The following PRDX2 variants were observed in gnomAD, a reference collection of about 807,000 sequenced individuals.
PRDX2 encodes peroxiredoxin-2.
Under a neutral mutation model 19.8 loss-of-function variants are expected in PRDX2, and 10 were observed. The observed-to-expected ratio is 0.50, with a 90% confidence interval of 0.31 to 0.86. The LOEUF is 0.86. Among genes scored for constraint, PRDX2 ranks in the 40% least tolerant of loss-of-function variants. The pLI is 0.04. For synonymous variants in PRDX2, 118 were observed against 108.2 expected (o/e 1.09, Z -0.56); for missense variants, 226 against 260.1 (o/e 0.87, Z 0.90).
At chr19:12,797,863 T>C (rs1968820588) in intron 5 of PRDX2, among the ~76,000 whole-genome samples, 2 of 151,096 alleles carry the variant, frequency 1.3e-5, no homozygotes, top group Admixed American at 6.6e-5. Flanking sequence ...TTTCACCATA[T>C]TGGTCAGGCT....
In PRDX2 at chr19:12,799,856, C is replaced by T; in HGVS notation, c.511+3G>A. ...CCCATGTGTCATGTGTGTATCTGCT[C>T]ACCTTCCCCATGCTCGTCTGTGTAC... On this transcript the variant is annotated splice_donor_region_variant and intron_variant, in intron 5 of 5. Coordinates refer to ENST00000301522, the MANE Select transcript of PRDX2 (RefSeq NM_005809.6). The T allele has an allele frequency of 6.2e-7, 1 of 1,611,756 alleles. No homozygotes were observed. The highest frequency in any genetic ancestry group is 8.5e-7 in the Non-Finnish European group (1 of 1,179,632).
At chr19:12,798,654 T>TG in intron 5 of PRDX2, among the ~76,000 whole-genome samples, 1 of 141,512 alleles carries the variant, frequency 7.1e-6, no homozygotes, top group East Asian at 2.0e-4. Context: ...TCTGGCCTCT[T>TG]TTTTTTTTTT....
In PRDX2 at chr19:12,798,714, G is replaced by C. The variant is rs372430755; in HGVS notation, c.511+1145C>G. 1.5e-4 allele frequency among the ~76,000 whole-genome samples: 23 copies of C among 149,254 alleles called. No homozygotes were observed. In the East Asian group the frequency reaches 4.3e-3, roughly 28 times the overall value. On this transcript the variant is annotated intron_variant, in intron 5 of 5. Transcript: ENST00000301522. ...TCTTAAAAAAAAAAAAAAAGAGATG[G>C]GGTATTGCTATGTTGCCTAGGCTCG...
In PRDX2 at chr19:12,799,987, C is replaced by A. The variant is rs771787688; in HGVS notation, c.383G>T (p.Gly128Val). The part of the protein sequence containing the change: ...LKTDEGIAYR[G>V]LFIIDGKGVL... ...ACCCTTGCCATCGATGATAAAGAGG[C>A]CCCTGAAGACATCAGGGTTCCCAGT... is the stretch of plus-strand genomic sequence containing the variant. Residue 128 changes from glycine to valine, a missense_variant and splice_region_variant, in exon 5 of 6, where the codon GGC (glycine) becomes GTC (valine). Transcript: ENST00000301522. The A allele has an allele frequency of 6.2e-7, 1 of 1,613,666 alleles. No individual in the cohort carries two copies. Among genetic ancestry groups the A allele is most frequent in the Non-Finnish European group, 8.5e-7 (1 of 1,179,810 alleles).
rs1968804492 is a variant in PRDX2 at position 12,797,168 on chromosome 19, T to C, written c.512-2A>G. 1 of 1,613,804 alleles carries C rather than the reference T, an allele frequency of 6.2e-7. No individual in the cohort carries two copies. Among genetic ancestry groups the C allele is most frequent in the Non-Finnish European group, 8.5e-7 (1 of 1,179,752 alleles). ...CAGGCTTCCAGCCAGCGGGACAAAC[T>C]GTGGGAAGACACAAGGATGCACATG... On this transcript the variant is annotated splice_acceptor_variant, in intron 5 of 5. Transcript: ENST00000301522. LOFTEE classifies it high-confidence loss of function.
intron 5 of PRDX2, among the ~76,000 whole-genome samples, chr19:12,798,267 G>A (rs913456088): frequency 1.5e-4 from 22 of 151,658 alleles, no homozygotes; most frequent in Admixed American, 1.2e-3. Flanking sequence ...GGATGGTCTC[G>A]ATCTCCTGAC....
rs141126515 is a variant in PRDX2 at position 12,799,124 on chromosome 19, C to T, written c.511+735G>A. Among the ~76,000 whole-genome samples the T allele has an allele frequency of 1.2e-3, 177 of 152,128 alleles. 5 individuals carry two copies. In the East Asian group the frequency reaches 0.033, roughly 29 times the overall value. Reference sequence around the variant, plus strand: ...CTATGTTGGCCAGGCTGGTCTCAAACTCCTGACCTCATGATCTGCCCGCCT... The same window carrying T: ...CTATGTTGGCCAGGCTGGTCTCAAATTCCTGACCTCATGATCTGCCCGCCT... On this transcript the variant is annotated intron_variant, in intron 5 of 5. Transcript: ENST00000301522.
In PRDX2 at chr19:12,801,042, G is replaced by C; in HGVS notation, c.131C>G (p.Pro44Arg). ...GGGGCACACAAAAGTGAAGTCCAGA[G>C]GGTAGAAAAAGAGGACCACGTACTT... ...KGKYVVLFFY[P>R]LDFTFVCPTE... is the part of the protein sequence containing the mutation. Residue 44 changes from proline (P) to arginine (R), a missense_variant, in exon 3 of 6, where the codon CCT (proline) becomes CGT (arginine). By Grantham distance (103) the Pro-to-Arg change is moderately radical. Coordinates refer to ENST00000301522, the MANE Select transcript of PRDX2 (RefSeq NM_005809.6). 6.2e-7 allele frequency: 1 copy of C among 1,611,566 alleles called. No homozygotes were observed. Among genetic ancestry groups the C allele is most frequent in the Non-Finnish European group, 8.5e-7 (1 of 1,178,442 alleles).
At chr19:12,800,360 C>G in intron 3 of PRDX2, 61 bp from the exon 4 acceptor site, 14 of 1,570,380 alleles carry the variant, frequency 8.9e-6, no homozygotes, top group Non-Finnish European at 1.2e-5. Context: ...GGTCCTCACC[C>G]TGTGGGCCCA....
chr19:12,800,841 G>A, intron 3 of PRDX2, 75 bp downstream of exon 3: 1 of 1,555,308 alleles, frequency 6.4e-7, no homozygotes, highest in Non-Finnish European at 8.7e-7. Context: ...GTTGAGCAAT[G>A]GCCACGAAGC....
intron 3 of PRDX2, 133 bp downstream of exon 3, chr19:12,800,783 C>T (rs1415246003): frequency 4.5e-6 from 7 of 1,545,864 alleles, no homozygotes; most frequent in East Asian, 2.4e-5. Context: ...AAGACTTGGG[C>T]GGCAATGTTT....
At chr19:12,797,531 G>A (rs940075311) in intron 5 of PRDX2, among the ~76,000 whole-genome samples, 6 of 151,782 alleles carry the variant, frequency 4.0e-5, no homozygotes, top group African/African-American at 1.2e-4. Context: ...CGCTTGTCTC[G>A]AACTCCTGAC....
In PRDX2 at chr19:12,801,769, G is replaced by A. The variant is rs1968903974; in HGVS notation, c.-39C>T. ...GTGGGCAAAGGCTAGACGCACGGACGATCACACGCGTGGACCCGCGTTCTC... is the reference window on the plus strand; with the variant it reads ...GTGGGCAAAGGCTAGACGCACGGACAATCACACGCGTGGACCCGCGTTCTC... On this transcript the variant is annotated 5_prime_UTR_variant, in exon 1 of 6. Coordinates refer to ENST00000301522, the MANE Select transcript of PRDX2 (RefSeq NM_005809.6). 3.0e-6 allele frequency: 1 copy of A among 328,272 alleles called. No individual in the cohort carries two copies. Among genetic ancestry groups the A allele is most frequent in the Non-Finnish European group, 5.5e-6 (1 of 180,712 alleles). The allele number at this position is 328,272 out of a possible 1,614,324, so 20.3% of individuals were successfully genotyped here.
chr19:12,800,344 C>T, intron 3 of PRDX2, 45 bp from the exon 4 acceptor site: 5 of 1,592,192 alleles, frequency 3.1e-6, no homozygotes, highest in Non-Finnish European at 4.3e-6. Context: ...ATGCCTGGCA[C>T]AGCAGGGTCC....
chr19:12,800,563 G>T, intron 3 of PRDX2: 1 of 875,826 alleles, frequency 1.1e-6, no homozygotes, highest in East Asian at 2.8e-5. Context: ...GAGAGCCTGT[G>T]TTAAGAGTCC....
At chr19:12,799,704 CCA>C in intron 5 of PRDX2, 153 bp downstream of exon 5, 1 of 1,068,188 alleles carries the variant, frequency 9.4e-7, no homozygotes, top group Non-Finnish European at 1.3e-6. Context: ...TTGTCTCCTA[CCA>C]CATTAGAAAC....
At chr19:12,801,094 T>C in intron 2 of PRDX2, 25 bp from the exon 3 acceptor site, 3 of 1,612,342 alleles carry the variant, frequency 1.9e-6, no homozygotes, top group South Asian at 2.2e-5. Flanking sequence ...CACAGAGGAG[T>C]TAGGGCCCAG....
intron 3 of PRDX2, 57 bp from the exon 4 acceptor site, chr19:12,800,356 C>T: frequency 3.2e-6 from 5 of 1,577,708 alleles, no homozygotes; most frequent in Non-Finnish European, 4.3e-6. Context: ...GCAGGGTCCT[C>T]ACCCTGTGGG....
Position 12,800,948 on chromosome 19 carries a change from G to A in PRDX2, c.225C>T (p.Val75=). 1 of 1,611,366 alleles carries A rather than the reference G, an allele frequency of 6.2e-7. No homozygotes were observed. The highest frequency in any genetic ancestry group is 8.5e-7 in the Non-Finnish European group (1 of 1,179,742). ...FRKLGCEVLG[V]SVDSQFTHLA... ...GGTGGGTGAACTGAGAGTCCACCGA[G>A]ACGCCCAGCACTTCACAGCCCAGCT... is the stretch of plus-strand genomic sequence containing the variant. Residue 75 remains valine, a synonymous_variant, in exon 3 of 6, where the codon GTC becomes GTT. Coordinates refer to ENST00000301522, the MANE Select transcript of PRDX2 (RefSeq NM_005809.6).
Sources: allele counts gnomAD v4.1 joint callset (sites outside exome capture counted in the v4.1 genomes callset), GRCh38; gene constraint gnomAD v4.1.1; transcripts MANE v1.5; gene names NCBI Gene and HGNC (gene_info 2026-07-23, HGNC 2026-07-21).